Variants in C1QL2 observed in about 807,000 individuals in gnomAD.
The protein encoded by C1QL2 is complement C1q like 2, also known as complement C1q-like protein 2.
A neutral mutation model predicts 16.6 loss-of-function variants in C1QL2; 13 were observed. The observed-to-expected ratio is 0.78, with a 90% confidence interval of 0.51 to 1.25. The LOEUF is 1.25. Ranked by LOEUF, C1QL2 falls within the 50% of genes most tolerant of loss-of-function variation. The pLI is 0.00. For synonymous variants in C1QL2, 210 were observed against 183.2 expected (o/e 1.15, Z -1.18); for missense variants, 396 against 409.6 (o/e 0.97, Z 0.29).
chr2:119,158,265 G>GCC lies in C1QL2; in HGVS notation c.3_4dup (p.Ala2GlyfsTer25). 1.3e-6 allele frequency: 2 copies of GCC among 1,529,440 alleles called. No homozygotes were observed. Among genetic ancestry groups the GCC allele is most frequent in the Non-Finnish European group, 1.7e-6 (2 of 1,149,036 alleles). 94.7% of individuals were successfully genotyped at this position (1,529,440 alleles called of 1,614,324 possible). A position where few individuals can be genotyped will look rare whatever the true frequency, so the allele number is the denominator to read the frequency against. The stretch of plus-strand genomic sequence containing the variant: ...CGGCACGGCGATGAGCAGCCCGAGC[G>GCC]CCATGGCCAAGAGTACGCCGACGGC... On this transcript the variant is annotated frameshift_variant, in exon 1 of 2. Coordinates refer to ENST00000272520, the MANE Select transcript of C1QL2 (RefSeq NM_182528.4). LOFTEE classifies it high-confidence loss of function.
Position 119,157,755 on chromosome 2 carries a change from T to G in C1QL2, c.515A>C (p.Tyr172Ser). ...YVGLKSPHEG[Y>S]EVLKFDDVVT... ...CACGTCATCGAACTTCAGCACCTCA[T>G]AGCCTTCGTGGGGGCTCTTGAGACC... The change falls in exon 1 of 2, where the codon TAT (tyrosine) becomes TCT (serine). Residue 172 changes from tyrosine to serine, a missense_variant. Coordinates refer to ENST00000272520, the MANE Select transcript of C1QL2 (RefSeq NM_182528.4). 6.2e-7 allele frequency: 1 copy of G among 1,613,746 alleles called. No homozygotes were observed. The highest frequency in any genetic ancestry group is 8.5e-7 in the Non-Finnish European group (1 of 1,179,842).
At position 119,158,121 on chromosome 2, in the gene C1QL2, T is replaced by A; in HGVS notation, c.149A>T (p.Gln50Leu). ...GGCGGCGGTGCTGGGTCCGGGTGGC[T>A]GCGCCTTTGCACCCGGGGGCTCCCC... ...PGGEPPGAKAQPPGPSTAALE... is the reference protein window; with the variant it reads ...PGGEPPGAKALPPGPSTAALE... The change falls in exon 1 of 2, where the codon CAG becomes CTG. Residue 50 changes from glutamine to leucine, a missense_variant. Gln to Leu is a moderately radical substitution (Grantham distance 113). Coordinates refer to ENST00000272520, the MANE Select transcript of C1QL2 (RefSeq NM_182528.4). 6.5e-7 allele frequency: 1 copy of A among 1,543,406 alleles called. No homozygotes were observed. Among genetic ancestry groups the A allele is most frequent in the Non-Finnish European group, 8.7e-7 (1 of 1,146,580 alleles).
Position 119,157,444 on chromosome 2 carries a change from G to A in C1QL2, c.684+142C>T, listed in dbSNP as rs1192600543. 5.8e-6 allele frequency: 6 copies of A among 1,042,534 alleles called. No individual in the cohort carries two copies. In the African/African-American group the frequency reaches 6.4e-5, roughly 11 times the overall value. The allele number at this position is 1,042,534 out of a possible 1,614,324, so 64.6% of individuals were successfully genotyped here. A position where few individuals can be genotyped will look rare whatever the true frequency, so the allele number is the denominator to read the frequency against. On this transcript the variant is annotated intron_variant, in intron 1 of 1. Transcript: ENST00000272520. ...GCGCGGCCTCGGCGCATCGGGAAGC[G>A]GAGATACTGTGGCACCGAGGCGCGT...
At position 119,157,588 on chromosome 2, in the gene C1QL2, G is replaced by A. The variant is rs1001447505; in HGVS notation, c.682C>T (p.Gln228Ter). The A allele has an allele frequency of 1.2e-6, 2 of 1,613,958 alleles. No individual in the cohort carries two copies. The change falls in exon 1 of 2, where the codon CAG becomes TAG. Residue 228 changes from glutamine to a stop codon, truncating the protein, a stop_gained and splice_region_variant. Transcript: ENST00000272520. LOFTEE classifies it high-confidence loss of function. Reference protein sequence around the residue: ...SMWADLCKNGQVRASAIAQDA... With the variant: ...SMWADLCKNG The stretch of plus-strand genomic sequence containing the variant: ...CGGTGAGTGTAGGGGTCACTGACCT[G>A]CCCGTTCTTGCAGAGGTCCGCCCAC...
In C1QL2 at chr2:119,158,315, C is replaced by G; in HGVS notation, c.-46G>C. 7.5e-7 allele frequency: 1 copy of G among 1,337,432 alleles called. No homozygotes were observed. Among genetic ancestry groups the G allele is most frequent in the Non-Finnish European group, 9.5e-7 (1 of 1,050,242 alleles). The allele number at this position is 1,337,432 out of a possible 1,614,324, so 82.8% of individuals were successfully genotyped here. On this transcript the variant is annotated 5_prime_UTR_variant, in exon 1 of 2. Transcript: ENST00000272520. ...CCGCCAGGCAGGCACGCCGCCGCCG[C>G]TGCCACAGCCGGGAGGCGACCGCCA...
Position 119,156,955 on chromosome 2 carries a change from G to C in C1QL2, c.711C>G (p.Asp237Glu). ...TGGCGTAGTCGTAGTTCTGGTCGGC[G>C]TCCTGTGCAATGGCGCTGGCCCGGA... ...GQVRASAIAQ[D>E]ADQNYDYASN... Residue 237 changes from aspartate (D) to glutamate (E), a missense_variant, in exon 2 of 2, where the codon GAC (aspartate) becomes GAG (glutamate). By Grantham distance (45) the Asp-to-Glu change is conservative (BLOSUM62 2). Around this residue, in one of 2 missense-constraint regions of C1QL2, gnomAD observed 43 missense variants for 74.8 expected, o/e 0.57. Transcript: ENST00000272520. The C allele has an allele frequency of 6.2e-7, 1 of 1,613,998 alleles. No homozygotes were observed. Among genetic ancestry groups the C allele is most frequent in the Non-Finnish European group, 8.5e-7 (1 of 1,179,928 alleles).
At position 119,156,762 on chromosome 2, in the gene C1QL2, G is replaced by C. The variant is rs775097883; in HGVS notation, c.*40C>G. The C allele has an allele frequency of 1.6e-5, 25 of 1,593,336 alleles. No homozygotes were observed. Among genetic ancestry groups the C allele is most frequent in the East Asian group, 9.0e-5 (4 of 44,612 alleles). ...AAGGAGCCGCGCCCGGGCGGAGACC[G>C]GGCGGCCTGCAGCCACCCCGCCTCG... On this transcript the variant is annotated 3_prime_UTR_variant, in exon 2 of 2. Coordinates refer to ENST00000272520, the MANE Select transcript of C1QL2 (RefSeq NM_182528.4).
intron 1 of C1QL2, among the ~76,000 whole-genome samples, chr2:119,157,310 G>C (rs1173220313): frequency 2.6e-5 from 4 of 152,218 alleles, no homozygotes; most frequent in African/African-American, 9.7e-5. Flanking sequence ...TGAGGTTTCC[G>C]AGAAGCCCAC....
intron 1 of C1QL2, 106 bp from the exon 2 acceptor site, chr2:119,157,087 G>A: frequency 7.7e-7 from 1 of 1,303,422 alleles, no homozygotes. Flanking sequence ...GCTGCTTCAG[G>A]GTCCACACTC....
chr2:119,157,531 G>T (rs1677981700), intron 1 of C1QL2, 55 bp downstream of exon 1: 7 of 1,556,526 alleles, frequency 4.5e-6, no homozygotes, highest in Admixed American at 1.9e-5. Context: ...TTCCCTGGGA[G>T]GTTCAGGGCG....
In C1QL2 at chr2:119,158,380, G is replaced by T; in HGVS notation, c.-111C>A. 3 of 960,280 alleles carry T rather than the reference G, an allele frequency of 3.1e-6. No homozygotes were observed. Among genetic ancestry groups the T allele is most frequent in the African/African-American group, 1.7e-5 (1 of 58,084 alleles). The allele number at this position is 960,280 out of a possible 1,614,324, so 59.5% of individuals were successfully genotyped here. ...CCGCCCGGGGAGGTAATGGTGGGGC[G>T]GCGCGGGCGGCCCCGCTCCCCGCGC... On this transcript the variant is annotated 5_prime_UTR_variant, in exon 1 of 2. Coordinates refer to ENST00000272520, the MANE Select transcript of C1QL2 (RefSeq NM_182528.4).
chr2:119,156,966 T>C lies in C1QL2; in HGVS notation c.700A>G (p.Ile234Val), dbSNP rs1183520004. The change falls in exon 2 of 2, where the codon ATT (isoleucine) becomes GTT (valine). Residue 234 changes from isoleucine (I) to valine (V), a missense_variant. Ile to Val is a conservative substitution (Grantham distance 29). Coordinates refer to ENST00000272520, the MANE Select transcript of C1QL2 (RefSeq NM_182528.4). ...CKNGQVRASA[I>V]AQDADQNYDY... ...TAGTTCTGGTCGGCGTCCTGTGCAA[T>C]GGCGCTGGCCCGGACCTGGGGACAA... 6.2e-7 allele frequency: 1 copy of C among 1,613,800 alleles called. No homozygotes were observed. The highest frequency in any genetic ancestry group is 8.5e-7 in the Non-Finnish European group (1 of 1,179,916).
At position 119,158,211 on chromosome 2, in the gene C1QL2, G is replaced by A. The variant is rs1431066388; in HGVS notation, c.59C>T (p.Ala20Val). 2 of 1,573,138 alleles carry A rather than the reference G, an allele frequency of 1.3e-6. No individual in the cohort carries two copies. Among genetic ancestry groups the A allele is most frequent in the East Asian group, 5.0e-5 (2 of 40,360 alleles). The change falls in exon 1 of 2, where the codon GCC becomes GTC. Residue 20 changes from alanine to valine, a missense_variant. Ala to Val is a moderately conservative substitution (Grantham distance 64). Coordinates refer to ENST00000272520, the MANE Select transcript of C1QL2 (RefSeq NM_182528.4). ...PLLLQAAPRGAAHYEMMGTCR... is the reference protein window; with the variant it reads ...PLLLQAAPRGVAHYEMMGTCR... ...GGTGCCCATCATCTCATAGTGCGCGGCGCCTCGGGGCGCCGCCTGCAGCAG... is the reference window on the plus strand; with the variant it reads ...GGTGCCCATCATCTCATAGTGCGCGACGCCTCGGGGCGCCGCCTGCAGCAG...
rs757642915 is a variant in C1QL2, at chr2:119,158,236, G to A, written c.34C>T (p.Leu12=). Residue 12 remains leucine (L), a synonymous_variant, in exon 1 of 2, where the codon CTG becomes TTG. Coordinates refer to ENST00000272520, the MANE Select transcript of C1QL2 (RefSeq NM_182528.4). ...ALGLLIAVPL[L]LQAAPRGAAH... ...GCGCCTCGGGGCGCCGCCTGCAGCA[G>A]CAGCGGCACGGCGATGAGCAGCCCG... 6.4e-7 allele frequency: 1 copy of A among 1,572,768 alleles called. No homozygotes were observed. Among genetic ancestry groups the A allele is most frequent in the Non-Finnish European group, 8.6e-7 (1 of 1,164,454 alleles).
rs1677990323 is a variant in C1QL2, at chr2:119,157,927, C to T, written c.343G>A (p.Gly115Arg). 3 of 1,546,368 alleles carry T rather than the reference C, an allele frequency of 1.9e-6. No individual in the cohort carries two copies. The highest frequency in any genetic ancestry group is 2.6e-6 in the Non-Finnish European group (3 of 1,144,842). ...PGEKGDSGRP[G>R]LPGLQLTAGT... ...GCCGTCAGTTGCAGCCCTGGCAGCC[C>T]GGGCCGCCCCGAGTCGCCCTTCTCT... is the stretch of plus-strand genomic sequence containing the variant. The change falls in exon 1 of 2, where the codon GGG becomes AGG. Residue 115 changes from glycine to arginine, a missense_variant. By Grantham distance (125) the Gly-to-Arg change is moderately radical. This residue lies in a region of C1QL2 where 353 missense variants were observed against 334.8 expected (regional missense o/e 1.05). Coordinates refer to ENST00000272520, the MANE Select transcript of C1QL2 (RefSeq NM_182528.4).
rs1409554383 is a variant in C1QL2, at chr2:119,157,833, A to T, written c.437T>A (p.Val146Glu). 6.3e-7 allele frequency: 1 copy of T among 1,590,796 alleles called. No homozygotes were observed. The highest frequency in any genetic ancestry group is 1.3e-5 in the African/African-American group (1 of 74,438). The change falls in exon 1 of 2, where the codon GTG becomes GAG. Residue 146 changes from valine to glutamate, a missense_variant. Physicochemically the swap from Val to Glu is moderately radical, Grantham distance 121. This residue lies in a region of C1QL2 where 353 missense variants were observed against 334.8 expected (regional missense o/e 1.05). Coordinates refer to ENST00000272520, the MANE Select transcript of C1QL2 (RefSeq NM_182528.4). ...GAAGGTGGCGCTCAGCGCACTGGTC[A>T]CTTCACCCTCGGAATCGCCACCTAC... ...AGVGGDSEGE[V>E]TSALSATFSG...
Position 119,156,801 on chromosome 2 carries a change from C to T in C1QL2, c.*1G>A. The stretch of plus-strand genomic sequence containing the variant: ...CACCCCGCCTCGCACCCCCCGCGCC[C>T]CTAATCCGGGTACAGAAGAAAGCCC... On this transcript the variant is annotated 3_prime_UTR_variant, in exon 2 of 2. Coordinates refer to ENST00000272520, the MANE Select transcript of C1QL2 (RefSeq NM_182528.4). The T allele has an allele frequency of 6.2e-7, 1 of 1,613,170 alleles. No homozygotes were observed. The highest frequency in any genetic ancestry group is 2.2e-5 in the East Asian group (1 of 44,844).
rs758473715 is a variant in C1QL2, at chr2:119,157,873, C to T, written c.397G>A (p.Gly133Ser). ...TCGCCACCTACCCCGGCCCCGCCGCCCACCACCCCGACGCCGCTGGCCGTG... is the reference window on the plus strand; with the variant it reads ...TCGCCACCTACCCCGGCCCCGCCGCTCACCACCCCGACGCCGCTGGCCGTG... ...AGTASGVGVV[G>S]GGAGVGGDSE... The change falls in exon 1 of 2, where the codon GGC (glycine) becomes AGC (serine). Residue 133 changes from glycine (G) to serine (S), a missense_variant. Physicochemically the swap from Gly to Ser is moderately conservative, Grantham distance 56 (BLOSUM62 0). This residue lies in a region of C1QL2 where 353 missense variants were observed against 334.8 expected (regional missense o/e 1.05). Transcript: ENST00000272520. The T allele has an allele frequency of 1.3e-6, 2 of 1,582,216 alleles. No individual in the cohort carries two copies. The highest frequency in any genetic ancestry group is 1.3e-5 in the African/African-American group (1 of 74,168).
In C1QL2 at chr2:119,157,902, G is replaced by A. The variant is rs778492472; in HGVS notation, c.368C>T (p.Ala123Val). Residue 123 changes from alanine (A) to valine (V), a missense_variant, in exon 1 of 2, where the codon GCG becomes GTG. This residue lies in a region of C1QL2 where 353 missense variants were observed against 334.8 expected (regional missense o/e 1.05). Coordinates refer to ENST00000272520, the MANE Select transcript of C1QL2 (RefSeq NM_182528.4). Reference sequence around the variant, plus strand: ...CACCCCGACGCCGCTGGCCGTGCCCGCCGTCAGTTGCAGCCCTGGCAGCCC... The same window carrying A: ...CACCCCGACGCCGCTGGCCGTGCCCACCGTCAGTTGCAGCCCTGGCAGCCC... ...RPGLPGLQLT[A>V]GTASGVGVVG... 3 of 1,564,294 alleles carry A rather than the reference G, an allele frequency of 1.9e-6. No homozygotes were observed. The highest frequency in any genetic ancestry group is 1.8e-5 in the Admixed American group (1 of 54,266).
Sources: allele counts gnomAD v4.1 joint callset (sites outside exome capture counted in the v4.1 genomes callset), GRCh38; gene constraint gnomAD v4.1.1; regional missense constraint gnomAD v4.1.1; transcripts MANE v1.5; gene names NCBI Gene and HGNC (gene_info 2026-07-23, HGNC 2026-07-21).